PCDHGA6: variants seen among roughly 807,000 people sequenced by gnomAD.
PCDHGA6 encodes the protein protocadherin gamma subfamily A, 6, also known as protocadherin gamma-A6.
In PCDHGA6, 41 loss-of-function variants were observed where a neutral mutation model predicts 60.6. The observed-to-expected ratio is 0.68, with a 90% CI of 0.53 to 0.88. The LOEUF (loss-of-function observed/expected upper bound fraction) is 0.88, where lower values mean the gene tolerates loss of function less well. Ranked by LOEUF, PCDHGA6 falls within the 40% of genes least tolerant of loss-of-function variation. PCDHGA6 has a pLI of 0.00. For synonymous variants in PCDHGA6, 594 were observed against 524.4 expected (o/e 1.13, Z -1.81); for missense variants, 1,312 against 1,203.0 (o/e 1.09, Z -1.34).
At chr5:141,495,804 T>G (rs894259635) in intron 2 of PCDHGA6, among the ~76,000 whole-genome samples, 1 of 152,168 alleles carries the variant, frequency 6.6e-6, no homozygotes, top group South Asian at 2.1e-4. Flanking sequence ...TTTCACCGTT[T>G]CCTAGCGCCT....
intron 1 of PCDHGA6, chr5:141,433,153 A>G (rs896611410): frequency 3.1e-6 from 5 of 1,613,482 alleles, no homozygotes; most frequent in African/African-American, 2.7e-5. Flanking sequence ...GTGATTCGGT[A>G]TTTTCTAAAG....
rs202183643 is a variant in PCDHGA6 at position 141,490,646 on chromosome 5, C to T, written c.2425-4161C>T. 9 of 1,614,186 alleles carry T rather than the reference C, an allele frequency of 5.6e-6. No homozygotes were observed. Among genetic ancestry groups the T allele is most frequent in the African/African-American group, 2.7e-5 (2 of 75,054 alleles). ...GCTTACATCCTAGAAAACCGGCCTC[C>T]GGGCTCCCTTCTTTGCACTGTGGCT... On this transcript the variant is annotated intron_variant, in intron 1 of 3. Transcript: ENST00000517434. The surrounding 1 kb of genome is among the most constrained non-coding windows in gnomAD (Gnocchi z 5.4).
At chr5:141,378,233 G>C (rs1449430240) in intron 1 of PCDHGA6, 1 of 152,134 alleles carries the variant, frequency 6.6e-6, no homozygotes, top group African/African-American at 2.4e-5. Context: ...TAGTATTTAA[G>C]AGTGAAAATG....
chr5:141,409,561 C>T (rs1296401858), intron 1 of PCDHGA6: 4 of 1,613,986 alleles, frequency 2.5e-6, no homozygotes, highest in Non-Finnish European at 3.4e-6. Context: ...CAGTTTTCGA[C>T]CAGACGTCCT....
Position 141,389,558 on chromosome 5 carries a change from A to G in PCDHGA6, c.2424+13051A>G, listed in dbSNP as rs778077135. 14 of 1,613,148 alleles carry G rather than the reference A, an allele frequency of 8.7e-6. No individual in the cohort carries two copies. The East Asian group carries it at 8.9e-5, about 10-fold the overall frequency. ...TGGACGACCGCAACGACAATGCGCC[A>G]CGGGTGCTGTACCCCGCGCTGGGTC... On this transcript the variant is annotated intron_variant, in intron 1 of 3. Transcript: ENST00000517434.
At chr5:141,410,458 T>A in intron 1 of PCDHGA6, 1 of 1,614,040 alleles carries the variant, frequency 6.2e-7, no homozygotes, top group African/African-American at 1.3e-5. Flanking sequence ...CTTATTCTTA[T>A]AATCTGTGCA....
At chr5:141,427,803 G>A (rs781324396) in intron 1 of PCDHGA6, 2 of 1,511,804 alleles carry the variant, frequency 1.3e-6, no homozygotes, top group Admixed American at 1.7e-5. Context: ...GTCCGTGAGC[G>A]CACAGAGCGG....
At chr5:141,492,962 C>A (rs1197532146) in intron 1 of PCDHGA6, among the ~76,000 whole-genome samples, 2 of 152,258 alleles carry the variant, frequency 1.3e-5, no homozygotes, top group African/African-American at 2.4e-5. Flanking sequence ...CTATCTGACA[C>A]TCTAACAAGT....
intron 1 of PCDHGA6, chr5:141,420,114 A>G: frequency 6.2e-7 from 1 of 1,614,032 alleles, no homozygotes; most frequent in Non-Finnish European, 8.5e-7. Context: ...CCCTATGCCT[A>G]TAATTTTTGT....
Position 141,375,151 on chromosome 5 carries a change from T to A in PCDHGA6, c.1068T>A (p.Ile356=), listed in dbSNP as rs1771184032. Reference sequence around the variant, plus strand: ...TTGTTACATCTGGAAGCAGAACAATTGCTGAAAGTGCACCTCCAGGAACAG... The same window carrying A: ...TTGTTACATCTGGAAGCAGAACAATAGCTGAAAGTGCACCTCCAGGAACAG... ...EVVVTSGSRT[I]AESAPPGTVI... Residue 356 remains isoleucine, a synonymous_variant, in exon 1 of 4, where the codon ATT becomes ATA. Coordinates refer to ENST00000517434, the MANE Select transcript of PCDHGA6 (RefSeq NM_018919.3). The A allele has an allele frequency of 6.2e-7, 1 of 1,613,844 alleles. No individual in the cohort carries two copies. The highest frequency in any genetic ancestry group is 1.3e-5 in the African/African-American group (1 of 74,936).
rs192741775 is a variant in PCDHGA6, at chr5:141,428,173, C to A, written c.2424+51666C>A. The A allele has an allele frequency of 3.2e-4, 487 of 1,514,722 alleles. 1 individual carries two copies. In the Middle Eastern group the frequency reaches 7.1e-3, roughly 22 times the overall value. The allele number at this position is 1,514,722 out of a possible 1,614,324, so 93.8% of individuals were successfully genotyped here. On this transcript the variant is annotated intron_variant, in intron 1 of 3. Transcript: ENST00000517434. The stretch of plus-strand genomic sequence containing the variant: ...GGAACCTGCTGGTTGCTGTGCGTGA[C>A]GGAGGACAGCCGCCGCTCTCTGCGC...
intron 1 of PCDHGA6, chr5:141,428,219 T>C (rs749413221): frequency 8.4e-7 from 1 of 1,195,778 alleles, no homozygotes. Context: ...CACCTAGTCT[T>C]CGCAGACAGC....
Position 141,376,227 on chromosome 5 carries a change from G to T in PCDHGA6, c.2144G>T (p.Arg715Ile), listed in dbSNP as rs1210093854. Residue 715 changes from arginine to isoleucine, a missense_variant, in exon 1 of 4, where the codon AGA (arginine) becomes ATA (isoleucine). Coordinates refer to ENST00000517434, the MANE Select transcript of PCDHGA6 (RefSeq NM_018919.3). ...TTCGTCATCGTGCTGCTGGCGCTCA[G>T]ACTGCAGCGCTGGCACAAGTCACGC... ...LAFVIVLLALRLQRWHKSRLL... is the reference protein window; with the variant it reads ...LAFVIVLLALILQRWHKSRLL... The T allele has an allele frequency of 4.3e-6, 7 of 1,614,216 alleles. No homozygotes were observed. The South Asian group carries it at 7.7e-5, about 18-fold the overall frequency.
chr5:141,501,666 T>C (rs2099810374), intron 2 of PCDHGA6, among the ~76,000 whole-genome samples: 1 of 152,142 alleles, frequency 6.6e-6, no homozygotes. Context: ...TTGGAAAATA[T>C]AGATAATCAC....
chr5:141,418,248 C>T (rs372067603), intron 1 of PCDHGA6: 7 of 1,613,882 alleles, frequency 4.3e-6, no homozygotes, highest in African/African-American at 1.3e-5. Flanking sequence ...AATGACCACG[C>T]CCCTCAATTC....
rs200356364 is a variant in PCDHGA6, at chr5:141,470,128, C to CA, written c.2425-24670dup. On this transcript the variant is annotated intron_variant, in intron 1 of 3. Transcript: ENST00000517434. ...TGAGCAACAGAGCAAGACTTCGTCT[C>CA]AAAAAAAAAGATCATAGATCATCTT... 4.0e-3 allele frequency among the ~76,000 whole-genome samples: 596 copies of CA among 150,150 alleles called. 6 individuals are homozygous for CA. The highest frequency in any genetic ancestry group is 0.011 in the Admixed American group (171 of 15,136).
chr5:141,449,147 G>T (rs2098630156), intron 1 of PCDHGA6, among the ~76,000 whole-genome samples: 1 of 152,110 alleles, frequency 6.6e-6, no homozygotes, highest in African/African-American at 2.4e-5. Flanking sequence ...AAATTGCTGG[G>T]TCAAAGAGGA....
chr5:141,408,903 A>C, intron 1 of PCDHGA6: 1 of 1,613,512 alleles, frequency 6.2e-7, no homozygotes, highest in Non-Finnish European at 8.5e-7. Context: ...TCTGTCAAGG[A>C]TACCAATGAT....
chr5:141,431,474 G>A lies in PCDHGA6; in HGVS notation c.2424+54967G>A, dbSNP rs747313827. 2 of 1,613,842 alleles carry A rather than the reference G, an allele frequency of 1.2e-6. No homozygotes were observed. Among genetic ancestry groups the A allele is most frequent in the East Asian group, 4.5e-5 (2 of 44,886 alleles). ...GATGGTTCTGGATGCGAACGACAACGCACCAGCGTTTGCTCAGCCCGAGTA... is the reference window on the plus strand; with the variant it reads ...GATGGTTCTGGATGCGAACGACAACACACCAGCGTTTGCTCAGCCCGAGTA... On this transcript the variant is annotated intron_variant, in intron 1 of 3. Coordinates refer to ENST00000517434, the MANE Select transcript of PCDHGA6 (RefSeq NM_018919.3). This position sits in a 1 kb window ranked among gnomAD's most constrained non-coding sequence, Gnocchi z 4.8.
Sources: gnomAD v4.1 joint callset for allele counts (sites outside exome capture counted in the v4.1 genomes callset) on GRCh38, gnomAD v4.1.1 for gene constraint, Gnocchi (gnomAD v3.1) non-coding constraint, MANE v1.5 for transcripts, NCBI Gene and HGNC (gene_info 2026-07-23, HGNC 2026-07-21) for gene names.